The following PIDD1 variants were observed in gnomAD, a reference collection of about 807,000 sequenced individuals.
PIDD1 encodes the protein p53-induced death domain-containing protein 1.
PIDD1 carries 72 observed loss-of-function variants against 80.0 expected under a neutral mutation model. The observed-to-expected ratio is 0.90, with a 90% CI of 0.74 to 1.09. The LOEUF (loss-of-function observed/expected upper bound fraction) is 1.09. Ranked by LOEUF, PIDD1 falls within the 50% of genes least tolerant of loss-of-function variation. PIDD1 has a pLI of 0.00. For synonymous variants in PIDD1, 655 were observed against 543.5 expected, an observed-to-expected ratio of 1.21 and a Z score of -2.85; for missense variants, 1,329 against 1,228.3, an observed-to-expected ratio of 1.08 and a Z score of -1.23.
Position 799,256 on chromosome 11 carries a change from C to G in PIDD1, c.*51G>C. The G allele has an allele frequency of 1.3e-6, 2 of 1,510,042 alleles. No individual in the cohort carries two copies. Among genetic ancestry groups the G allele is most frequent in the Non-Finnish European group, 1.8e-6 (2 of 1,129,338 alleles). 93.5% of individuals were successfully genotyped at this position (1,510,042 alleles called of 1,614,324 possible). ...CACTGGAGAGACTTGAAGGTGGGGG[C>G]TCTGCCCATCCACTGGGGAATATCT... On this transcript the variant is annotated 3_prime_UTR_variant, in exon 16 of 16. Transcript: ENST00000347755.
At chr11:802,992 A>G (rs1215151713) in intron 3 of PIDD1, 101 bp from the exon 4 acceptor site, 3 of 1,120,514 alleles carry the variant, frequency 2.7e-6, no homozygotes, top group East Asian at 2.6e-5. Context: ...ACTCTCCTCC[A>G]CAGCTGGGCT....
In PIDD1 at chr11:801,968, G is replaced by A. The variant is rs1181704032; in HGVS notation, c.1299C>T (p.Pro433=). Residue 433 remains proline, a synonymous_variant, in exon 7 of 16, where the codon CCC becomes CCT. Transcript: ENST00000347755. ...GGCAGGCCTGGGTGGCCCTCACCTG[G>A]GGTGCCTCTTCCTCCAGGTAGGTCT... The part of the protein sequence containing the change: ...DLETYLEEEA[P]QRLWAHCQVP... 1 of 1,599,868 alleles carries A rather than the reference G, an allele frequency of 6.3e-7. No individual in the cohort carries two copies. The highest frequency in any genetic ancestry group is 8.5e-7 in the Non-Finnish European group (1 of 1,173,896).
At chr11:800,715 C>A (rs761228186) in intron 11 of PIDD1, 47 bp downstream of exon 11, 3 of 1,549,588 alleles carry the variant, frequency 1.9e-6, no homozygotes, top group African/African-American at 2.7e-5. Flanking sequence ...GCACCCCACC[C>A]CAGCCCTCTG....
chr11:804,343 C>G lies in PIDD1; in HGVS notation c.46G>C (p.Ala16Pro), dbSNP rs139088059. Residue 16 changes from alanine to proline, a missense_variant, in exon 2 of 16, where the codon GCA becomes CCA. Transcript: ENST00000347755. ...EGPELEAAAA[A>P]GDASEDSDAG... is the part of the protein sequence containing the mutation. ...TCCGAATCCTCTGAAGCATCTCCTG[C>G]GGCAGCAGCTGCCTCCAGCTCTGGC... 1.2e-6 allele frequency: 2 copies of G among 1,609,286 alleles called. No homozygotes were observed. The highest frequency in any genetic ancestry group is 1.3e-5 in the African/African-American group (1 of 74,878).
Position 801,056 on chromosome 11 carries a change from A to G in PIDD1, c.1695T>C (p.Asp565=). The G allele has an allele frequency of 1.2e-6, 2 of 1,600,068 alleles. No individual in the cohort carries two copies. The highest frequency in any genetic ancestry group is 1.7e-6 in the Non-Finnish European group (2 of 1,173,428). ...LYWAPPAATW[D]DITAQVVLEL... Reference sequence around the variant, plus strand: ...CCAGGACCACCTGAGCTGTGATGTCATCCCAGGTGGCTGCAGGAGGGGCCC... The same window carrying G: ...CCAGGACCACCTGAGCTGTGATGTCGTCCCAGGTGGCTGCAGGAGGGGCCC... The change falls in exon 10 of 16, where the codon GAT becomes GAC. Residue 565 remains aspartate (D), a synonymous_variant. Transcript: ENST00000347755.
At chr11:801,409 C>G (rs544117389) in intron 8 of PIDD1, 36 bp downstream of exon 8, 2 of 1,576,814 alleles carry the variant, frequency 1.3e-6, no homozygotes, top group South Asian at 2.3e-5. Context: ...TGGGCTGAGG[C>G]GCGGCCTGCC....
rs370879891 is a variant in PIDD1 at position 801,449 on chromosome 11, A to G, written c.1478T>C (p.Met493Thr). ...TCAGTGCTGTCCTGGCCATACCTGC[A>G]TGGAGACTCGACGAGGCTCCTCAGT... Reference protein sequence around the residue: ...GATEEPRRVSMQVVRMAGREL... With the variant: ...GATEEPRRVSTQVVRMAGREL... Residue 493 changes from methionine to threonine, a missense_variant, in exon 8 of 16, where the codon ATG becomes ACG. Coordinates refer to ENST00000347755, the MANE Select transcript of PIDD1 (RefSeq NM_145886.4). 3.2e-6 allele frequency: 5 copies of G among 1,549,660 alleles called. No homozygotes were observed. In the African/African-American group the frequency reaches 4.1e-5, roughly 13 times the overall value.
At chr11:805,343 T>C, upstream of PIDD1, 4 of 483,152 alleles carry the variant, frequency 8.3e-6, no homozygotes, top group Non-Finnish European at 1.1e-5. Flanking sequence ...GGGGGAGGTC[T>C]CCCGGCTCCT....
chr11:804,086 G>T lies in PIDD1; in HGVS notation c.295+8C>A. ...ATGGAGACAGGGCCCAGAACAGGTGGAACTCACCTTTGAGGACCAGGGAGC... is the reference window on the plus strand; with the variant it reads ...ATGGAGACAGGGCCCAGAACAGGTGTAACTCACCTTTGAGGACCAGGGAGC... On this transcript the variant is annotated splice_region_variant and intron_variant, in intron 2 of 15. Transcript: ENST00000347755. 6.2e-7 allele frequency: 1 copy of T among 1,601,248 alleles called. No individual in the cohort carries two copies. Among genetic ancestry groups the T allele is most frequent in the South Asian group, 1.1e-5 (1 of 89,810 alleles).
At chr11:805,743 C>G, upstream of PIDD1, 2 of 933,862 alleles carry the variant, frequency 2.1e-6, no homozygotes, top group Non-Finnish European at 2.6e-6. Flanking sequence ...TCACTCTGGG[C>G]CAGAAGCAGT....
At chr11:804,615 G>A (rs1010213770) in intron 1 of PIDD1, 152 bp from the exon 2 acceptor site, 84 of 695,246 alleles carry the variant, frequency 1.2e-4, no homozygotes, top group Non-Finnish European at 1.7e-4. Flanking sequence ...CCTGAACCCC[G>A]GAGGCCTGGG....
rs1260573350 is a variant in PIDD1 at position 802,085 on chromosome 11, C to G, written c.1182G>C (p.Val394=). ...GTGGGGTGAAGAGCAGCCACAGCCC[C>G]ACATCCTGCCAGACAAGGATGGTGT... ...QPHGVAFQQD[V]GLWLLFTPPQ... is the part of the protein sequence containing the mutation. Residue 394 remains valine (V), a synonymous_variant, in exon 7 of 16, where the codon GTG becomes GTC. Transcript: ENST00000347755. 6.3e-7 allele frequency: 1 copy of G among 1,577,104 alleles called. No homozygotes were observed. Among genetic ancestry groups the G allele is most frequent in the Non-Finnish European group, 8.6e-7 (1 of 1,162,030 alleles).
rs1416286860 is a variant in PIDD1, at chr11:801,445, C to A, written c.1482G>T (p.Gln494His). Residue 494 changes from glutamine (Q) to histidine (H), a missense_variant and splice_region_variant, in exon 8 of 16, where the codon CAG (glutamine) becomes CAT (histidine). Gln to His is a conservative substitution (Grantham distance 24, BLOSUM62 0). Coordinates refer to ENST00000347755, the MANE Select transcript of PIDD1 (RefSeq NM_145886.4). Reference protein sequence around the residue: ...ATEEPRRVSMQVVRMAGRELQ... With the variant: ...ATEEPRRVSMHVVRMAGRELQ... The stretch of plus-strand genomic sequence containing the variant: ...ACCCTCAGTGCTGTCCTGGCCATAC[C>A]TGCATGGAGACTCGACGAGGCTCCT... 2 of 1,551,202 alleles carry A rather than the reference C, an allele frequency of 1.3e-6. No homozygotes were observed. The highest frequency in any genetic ancestry group is 1.4e-5 in the African/African-American group (1 of 73,670).
chr11:803,783 G>C, intron 2 of PIDD1, 196 bp from the exon 3 acceptor site: 1 of 655,396 alleles, frequency 1.5e-6, no homozygotes, highest in Non-Finnish European at 2.6e-6. Flanking sequence ...GAGACCACCG[G>C]CTCATCTCAG....
chr11:804,430 GCAGGCAGGCCTGTC>G lies in PIDD1; in HGVS notation c.-56_-43del, dbSNP rs1865636051. The G allele has an allele frequency of 6.5e-7, 1 of 1,546,238 alleles. No individual in the cohort carries two copies. ...TTGGAGGCCAGACATGTCCCAGCAC[GCAGGCAGGCCTGTC>G]CAGGCAGCGCCCGGGGAAGCTGCAG... On this transcript the variant is annotated 5_prime_UTR_variant, in exon 2 of 16. Coordinates refer to ENST00000347755, the MANE Select transcript of PIDD1 (RefSeq NM_145886.4).
In PIDD1 at chr11:799,364, C is replaced by A; in HGVS notation, c.2676G>T (p.Lys892Asn). ...DSIRRMGLAP[K>N]DPALPGSSAP... is the part of the protein sequence containing the mutation. ...CCGAGGAGCCAGGCAGAGCGGGGTC[C>A]TTGGGGGCCAAGCCCATGCGTCGGA... The change falls in exon 16 of 16, where the codon AAG becomes AAT. Residue 892 changes from lysine (K) to asparagine (N), a missense_variant. By Grantham distance (94) the Lys-to-Asn change is moderately conservative (BLOSUM62 0). Transcript: ENST00000347755. 6.8e-6 allele frequency: 11 copies of A among 1,611,464 alleles called. No homozygotes were observed. Among genetic ancestry groups the A allele is most frequent in the Non-Finnish European group, 9.3e-6 (11 of 1,179,768 alleles).
chr11:805,318 C>T (rs1429526014), upstream of PIDD1: 2 of 713,042 alleles, frequency 2.8e-6, no homozygotes, highest in Non-Finnish European at 3.4e-6. Flanking sequence ...CCCCCTCCGC[C>T]GGGCTGGGGT....
rs1322761328 is a variant in PIDD1 at position 800,028 on chromosome 11, A to G, written c.2275-14T>C. ...CCCTCGAAGTCTCTGTTGGAAGGAA[A>G]AAGTGCATTAAGCCCTGGGCTCCAC... On this transcript the variant is annotated splice_polypyrimidine_tract_variant and intron_variant, in intron 14 of 15. Coordinates refer to ENST00000347755, the MANE Select transcript of PIDD1 (RefSeq NM_145886.4). The G allele has an allele frequency of 5.0e-6, 8 of 1,612,092 alleles. No homozygotes were observed. The highest frequency in any genetic ancestry group is 1.3e-5 in the African/African-American group (1 of 75,036).
chr11:808,561 G>A (rs900275050), upstream of PIDD1, among the ~76,000 whole-genome samples: 1 of 152,190 alleles, frequency 6.6e-6, no homozygotes, highest in South Asian at 2.1e-4. Flanking sequence ...TTAGCCGGGT[G>A]TGGTGGCACA....
Sources: gnomAD v4.1 joint callset for allele counts (sites outside exome capture counted in the v4.1 genomes callset) on GRCh38, gnomAD v4.1.1 for gene constraint, MANE v1.5 for transcripts, NCBI Gene and HGNC (gene_info 2026-07-23, HGNC 2026-07-21) for gene names.